MARCHF1: variants seen among roughly 807,000 people sequenced by gnomAD.
MARCHF1 encodes E3 ubiquitin-protein ligase MARCHF1.
Under a neutral mutation model 54.2 loss-of-function variants are expected in MARCHF1, and 40 were observed. That is an observed-to-expected ratio of 0.74 (90% confidence interval 0.57 to 0.96). MARCHF1 has a LOEUF of 0.96. Ranked by LOEUF, MARCHF1 falls within the 40% of genes least tolerant of loss-of-function variation. The pLI is 0.00. For missense variants in MARCHF1, 586 were observed against 656.5 expected, an observed-to-expected ratio of 0.89 and a Z score of 1.17; for synonymous variants, 236 against 236.3, an observed-to-expected ratio of 1.00 and a Z score of 0.01.
At chr4:164,272,833 AAGT>A (rs1421349862) in intron 1 of MARCHF1, among the ~76,000 whole-genome samples, 5 of 152,108 alleles carry the variant, frequency 3.3e-5, no homozygotes, top group East Asian at 1.9e-4. Context: ...GAAAATAAAA[AAGT>A]AGAAAATGAT....
chr4:164,129,591 TA>T (rs1192406386), intron 1 of MARCHF1, among the ~76,000 whole-genome samples: 1 of 152,174 alleles, frequency 6.6e-6, no homozygotes, highest in Non-Finnish European at 1.5e-5. Flanking sequence ...CTATATATAT[TA>T]TTTTTTGAAT....
intron 2 of MARCHF1, among the ~76,000 whole-genome samples, chr4:164,089,885 T>C (rs966989808): frequency 1.3e-5 from 2 of 151,934 alleles, no homozygotes; most frequent in African/African-American, 2.4e-5. Flanking sequence ...CTTTTTTATT[T>C]CTTATATGTA....
chr4:164,322,008 C>A (rs546206401), intron 1 of MARCHF1, among the ~76,000 whole-genome samples: 1 of 151,618 alleles, frequency 6.6e-6, no homozygotes, highest in African/African-American at 2.4e-5. Context: ...AAGTTTTGAG[C>A]GAAGGAAATA....
At chr4:163,984,674 T>C (rs1752826978) in intron 3 of MARCHF1, among the ~76,000 whole-genome samples, 1 of 152,194 alleles carries the variant, frequency 6.6e-6, no homozygotes, top group Non-Finnish European at 1.5e-5. Flanking sequence ...AAGCTACAGC[T>C]ACAGGGCTAA....
At chr4:163,636,978 A>T (rs193032866) in intron 5 of MARCHF1, among the ~76,000 whole-genome samples, 2 of 152,306 alleles carry the variant, frequency 1.3e-5, no homozygotes, top group African/African-American at 4.8e-5. Context: ...CAAACCTCAG[A>T]AAAACAAGCA....
At chr4:163,665,396 C>T (rs1467600786) in intron 5 of MARCHF1, among the ~76,000 whole-genome samples, 1 of 152,046 alleles carries the variant, frequency 6.6e-6, no homozygotes, top group African/African-American at 2.4e-5. Flanking sequence ...TTCAGATGTT[C>T]TTATGGCAGG....
intron 1 of MARCHF1, among the ~76,000 whole-genome samples, chr4:164,343,201 G>A (rs1016902336): frequency 6.6e-6 from 1 of 151,902 alleles, no homozygotes; most frequent in African/African-American, 2.4e-5. Flanking sequence ...GCTTAATTGT[G>A]GTAATCATTT....
At chr4:163,540,554 A>G (rs1579043746) in intron 9 of MARCHF1, among the ~76,000 whole-genome samples, 1 of 152,222 alleles carries the variant, frequency 6.6e-6, no homozygotes, top group African/African-American at 2.4e-5. Flanking sequence ...ATGAGTAATT[A>G]TGTGTCATAT....
chr4:164,105,686 A>G (rs2111168863), intron 2 of MARCHF1, among the ~76,000 whole-genome samples: 1 of 90,446 alleles, frequency 1.1e-5, no homozygotes, highest in African/African-American at 5.1e-5. Flanking sequence ...AGGCATTACC[A>G]TTCAGGACAT....
chr4:164,185,646 A>C (rs906234348), intron 1 of MARCHF1, among the ~76,000 whole-genome samples: 2 of 152,168 alleles, frequency 1.3e-5, no homozygotes, highest in African/African-American at 4.8e-5. Flanking sequence ...TATTTGCTAC[A>C]AACTCTGGAG....
At chr4:164,073,223 T>C (rs995214191) in intron 2 of MARCHF1, among the ~76,000 whole-genome samples, 2 of 152,126 alleles carry the variant, frequency 1.3e-5, no homozygotes, top group Admixed American at 6.5e-5. Context: ...CTGTTCGCAA[T>C]AGCAAAGACT....
At chr4:164,132,520 T>C (rs1756322102) in intron 1 of MARCHF1, among the ~76,000 whole-genome samples, 1 of 152,190 alleles carries the variant, frequency 6.6e-6, no homozygotes, top group African/African-American at 2.4e-5. Flanking sequence ...CCACTATTAG[T>C]GATCATCAAC....
intron 1 of MARCHF1, among the ~76,000 whole-genome samples, chr4:164,360,951 G>T (rs1730705907): frequency 7.5e-6 from 1 of 133,950 alleles, no homozygotes; most frequent in Non-Finnish European, 1.7e-5. Context: ...GATATGCATG[G>T]GTTCTGTATG....
rs1553971149 is a variant in MARCHF1 at position 164,027,392 on chromosome 4, A to AAAAAAAAAAAAAT, written c.-247-38684_-247-38683insATTTTTTTTTTTT. ...AAAAAAAAAAAAAAAAAAAAAAAAA[A>AAAAAAAAAAAAAT]AGATACATAGATAAATGGATCTATA... is the stretch of plus-strand genomic sequence containing the variant. On this transcript the variant is annotated intron_variant, in intron 2 of 9. Coordinates refer to ENST00000514618, the MANE Select transcript of MARCHF1 (RefSeq NM_001394959.1). Among the ~76,000 whole-genome samples, 384 of 59,006 alleles carry AAAAAAAAAAAAAT rather than the reference A, an allele frequency of 6.5e-3. 142 individuals carry two copies. Among genetic ancestry groups the AAAAAAAAAAAAAT allele is most frequent in the South Asian group, 0.012 (16 of 1,388 alleles). 38.7% of individuals were successfully genotyped at this position (59,006 alleles called of 152,430 possible).
rs554580036 is a variant in MARCHF1, at chr4:164,060,419, T to C, written c.-248+51169A>G. ...CTAATGTGCTTTCAAACTACATTAA[T>C]AGAAAATAGTTCATCAAATAAAGAA... On this transcript the variant is annotated intron_variant, in intron 2 of 9. Coordinates refer to ENST00000514618, the MANE Select transcript of MARCHF1 (RefSeq NM_001394959.1). Among the ~76,000 whole-genome samples, 95 of 152,240 alleles carry C rather than the reference T, an allele frequency of 6.2e-4. 1 individual carries two copies. The highest frequency in any genetic ancestry group is 2.1e-3 in the African/African-American group (88 of 41,580).
At chr4:163,955,268 C>T (rs185783544) in intron 3 of MARCHF1, among the ~76,000 whole-genome samples, 1 of 149,156 alleles carries the variant, frequency 6.7e-6, no homozygotes, top group Non-Finnish European at 1.5e-5. Flanking sequence ...GTCTAACAGT[C>T]CGGAGTAACT....
chr4:164,318,257 T>G (rs1735049312), intron 1 of MARCHF1, among the ~76,000 whole-genome samples: 1 of 152,118 alleles, frequency 6.6e-6, no homozygotes, highest in Non-Finnish European at 1.5e-5. Flanking sequence ...AAAAAGACAG[T>G]GGACTACAGC....
At chr4:163,731,670 T>C (rs148627531) in intron 4 of MARCHF1, among the ~76,000 whole-genome samples, 180 of 152,198 alleles carry the variant, frequency 1.2e-3, no homozygotes, top group Non-Finnish European at 2.3e-3. Context: ...TTCAGCTGAG[T>C]ATTGATCATC....
intron 4 of MARCHF1, among the ~76,000 whole-genome samples, chr4:163,792,909 G>A (rs1051532888): frequency 6.6e-6 from 1 of 152,158 alleles, no homozygotes. Context: ...ATAGACCCAG[G>A]CTCTATTGCT....
Sources: allele counts gnomAD v4.1 joint callset (sites outside exome capture counted in the v4.1 genomes callset), GRCh38; gene constraint gnomAD v4.1.1; transcripts MANE v1.5; gene names NCBI Gene and HGNC (gene_info 2026-07-23, HGNC 2026-07-21).